The following PSD3 variants were observed in gnomAD, a reference collection of about 807,000 sequenced individuals.
PSD3 encodes the protein PH and SEC7 domain-containing protein 3.
A neutral mutation model predicts 105.5 loss-of-function variants in PSD3; 49 were observed. That is an observed-to-expected ratio of 0.46 (90% confidence interval 0.37 to 0.59). The LOEUF (loss-of-function observed/expected upper bound fraction) is 0.59. Among genes scored for constraint, PSD3 ranks in the 20% least tolerant of loss-of-function variants. The pLI, the probability that PSD3 is intolerant of heterozygous loss-of-function variation, is 0.00. For synonymous variants in PSD3, 557 were observed against 457.8 expected (o/e 1.22, Z -2.77); for missense variants, 1,561 against 1,263.8 (o/e 1.24, Z -3.57).
In PSD3 at chr8:18,740,598, C is replaced by A. The variant is rs373973217; in HGVS notation, c.2172+24851G>T. 2.2e-4 allele frequency among the ~76,000 whole-genome samples: 34 copies of A among 152,266 alleles called. 1 individual carries two copies. The East Asian group carries it at 6.6e-3, about 29-fold the overall frequency. ...CTTGACAGCCCCTCGGTTTCATTACCTAATGATTTAGGAATATCAGACTAT... is the reference window on the plus strand; with the variant it reads ...CTTGACAGCCCCTCGGTTTCATTACATAATGATTTAGGAATATCAGACTAT... On this transcript the variant is annotated intron_variant, in intron 9 of 15. Coordinates refer to ENST00000327040, the MANE Select transcript of PSD3 (RefSeq NM_015310.4).
intron 9 of PSD3, among the ~76,000 whole-genome samples, chr8:18,704,284 G>A (rs1801760979): frequency 6.6e-6 from 1 of 152,184 alleles, no homozygotes; most frequent in African/African-American, 2.4e-5. Context: ...TAGAGGACCA[G>A]TTCTAGCAAG....
intron 8 of PSD3, among the ~76,000 whole-genome samples, chr8:18,798,281 T>A (rs1036907459): frequency 6.6e-6 from 1 of 152,156 alleles, no homozygotes; most frequent in Non-Finnish European, 1.5e-5. Context: ...TAAATTCACC[T>A]CTTATATATG....
chr8:18,878,572 C>T (rs1817885466), intron 2 of PSD3, among the ~76,000 whole-genome samples: 2 of 152,274 alleles, frequency 1.3e-5, no homozygotes, highest in East Asian at 3.9e-4. Flanking sequence ...CATAGACATA[C>T]ACACGCTCCT....
At chr8:19,032,825 T>C (rs1827815671) in intron 1 of PSD3, among the ~76,000 whole-genome samples, 1 of 152,146 alleles carries the variant, frequency 6.6e-6, no homozygotes, top group African/African-American at 2.4e-5. Flanking sequence ...ATCTCACTTT[T>C]TGTGAATATA....
intron 4 of PSD3, among the ~76,000 whole-genome samples, chr8:18,835,582 A>T (rs1814038398): frequency 6.6e-6 from 1 of 152,208 alleles, no homozygotes. Context: ...TAATACAGCC[A>T]AGGGGCCGTG....
intron 11 of PSD3, among the ~76,000 whole-genome samples, chr8:18,629,794 A>G (rs1806763251): frequency 1.3e-5 from 2 of 151,998 alleles, no homozygotes; most frequent in Admixed American, 1.3e-4. Flanking sequence ...TGATGATTAT[A>G]TAACTATACA....
chr8:19,065,290 G>T (rs1158894873), intron 1 of PSD3, among the ~76,000 whole-genome samples: 1 of 152,134 alleles, frequency 6.6e-6, no homozygotes, highest in East Asian at 1.9e-4. Context: ...CGTGTGTGTG[G>T]TGGGAAGTTT....
chr8:19,079,165 T>C (rs1829561300), intron 1 of PSD3, among the ~76,000 whole-genome samples: 1 of 152,066 alleles, frequency 6.6e-6, no homozygotes, highest in Non-Finnish European at 1.5e-5. Flanking sequence ...AACGTTGTCA[T>C]GGGAACACTA....
At chr8:19,063,199 A>C (rs1223905918) in intron 1 of PSD3, among the ~76,000 whole-genome samples, 3 of 152,232 alleles carry the variant, frequency 2.0e-5, no homozygotes, top group Non-Finnish European at 4.4e-5. Flanking sequence ...CAGGACAATC[A>C]ATCTTTTATT....
intron 9 of PSD3, among the ~76,000 whole-genome samples, chr8:18,719,883 TC>T (rs1371714021): frequency 6.6e-6 from 1 of 152,220 alleles, no homozygotes; most frequent in East Asian, 1.9e-4. Flanking sequence ...AGACAATAGT[TC>T]TTTTGTATAT....
intron 12 of PSD3, among the ~76,000 whole-genome samples, chr8:18,596,254 A>G (rs956818587): frequency 1.3e-5 from 2 of 152,126 alleles, no homozygotes; most frequent in African/African-American, 4.8e-5. Context: ...AAACAAAAGC[A>G]GTACCAATAG....
At chr8:18,786,732 T>G (rs949585915) in intron 8 of PSD3, 2 of 152,244 alleles carry the variant, frequency 1.3e-5, no homozygotes, top group African/African-American at 4.8e-5. Flanking sequence ...ATAAAGATAA[T>G]GTGGTTTTCT....
Position 18,714,216 on chromosome 8 carries a change from T to C in PSD3, c.2172+51233A>G, listed in dbSNP as rs185510798. 3.7e-3 allele frequency among the ~76,000 whole-genome samples: 560 copies of C among 152,188 alleles called. 2 individuals are homozygous for C. Among genetic ancestry groups the C allele is most frequent in the African/African-American group, 0.013 (536 of 41,514 alleles). ...GGCAATACCATTCAGGACATACGCA[T>C]GGGCAAAGATTTTATGATGAAAATG... On this transcript the variant is annotated intron_variant, in intron 9 of 15. Coordinates refer to ENST00000327040, the MANE Select transcript of PSD3 (RefSeq NM_015310.4).
At chr8:18,641,242 T>C (rs565232379) in intron 10 of PSD3, among the ~76,000 whole-genome samples, 145 of 152,306 alleles carry the variant, frequency 9.5e-4, no homozygotes, top group African/African-American at 3.1e-3. Context: ...AGAAGCTAGA[T>C]GTTACCAAGT....
At chr8:18,852,010 A>G (rs1258526698) in intron 4 of PSD3, among the ~76,000 whole-genome samples, 1 of 152,232 alleles carries the variant, frequency 6.6e-6, no homozygotes, top group Non-Finnish European at 1.5e-5. Context: ...ACGTAAACTA[A>G]TCACACAACA....
chr8:18,700,529 G>C (rs1162878541), intron 9 of PSD3, among the ~76,000 whole-genome samples: 1 of 152,112 alleles, frequency 6.6e-6, no homozygotes, highest in African/African-American at 2.4e-5. Flanking sequence ...AACAATATTT[G>C]AGAAAATCAA....
chr8:18,719,678 G>C (rs1367635591), intron 9 of PSD3, among the ~76,000 whole-genome samples: 1 of 152,184 alleles, frequency 6.6e-6, no homozygotes, highest in Non-Finnish European at 1.5e-5. Context: ...TCCCGAGATA[G>C]TATGATCTAT....
intron 9 of PSD3, chr8:18,721,229 T>C (rs376091968): frequency 6.6e-6 from 1 of 151,832 alleles, no homozygotes; most frequent in African/African-American, 2.4e-5. Flanking sequence ...TATCAATCAC[T>C]GATTTCTCTT....
intron 12 of PSD3, among the ~76,000 whole-genome samples, chr8:18,599,287 T>C (rs927266096): frequency 2.0e-5 from 3 of 152,194 alleles, no homozygotes; most frequent in Non-Finnish European, 1.5e-5. Flanking sequence ...GGAACCCTTA[T>C]GTACTGTTGT....
Sources: gnomAD v4.1 joint callset for allele counts (sites outside exome capture counted in the v4.1 genomes callset) on GRCh38, gnomAD v4.1.1 for gene constraint, MANE v1.5 for transcripts, NCBI Gene and HGNC (gene_info 2026-07-23, HGNC 2026-07-21) for gene names.